Variants in ADGRB3 observed in about 807,000 individuals in gnomAD.
ADGRB3 encodes brain-specific angiogenesis inhibitor 3.
In ADGRB3, 37 loss-of-function variants were observed where a neutral mutation model predicts 193.4. That is an observed-to-expected ratio of 0.19 (90% confidence interval 0.15 to 0.25). ADGRB3 has a LOEUF of 0.25. Ranked by LOEUF, ADGRB3 falls within the 10% of genes least tolerant of loss-of-function variation. ADGRB3 has a pLI of 1.00. For synonymous variants in ADGRB3, 690 were observed against 644.2 expected (o/e 1.07, Z -1.08); for missense variants, 1,637 against 1,852.9 (o/e 0.88, Z 2.14).
chr6:68,800,013 TA>T (rs1021019647), intron 3 of ADGRB3, among the ~76,000 whole-genome samples: 22 of 152,148 alleles, frequency 1.4e-4, no homozygotes, highest in Admixed American at 8.5e-4. Context: ...TTTATGTTTT[TA>T]AAAGATCATG....
chr6:69,127,404 C>T (rs1385445428), intron 17 of ADGRB3, among the ~76,000 whole-genome samples: 1 of 152,208 alleles, frequency 6.6e-6, no homozygotes, highest in Non-Finnish European at 1.5e-5. Flanking sequence ...ACTGTGGAAT[C>T]ATTTCCTGCT....
At chr6:69,364,337 C>G (rs3757056) in intron 29 of ADGRB3, among the ~76,000 whole-genome samples, 126,036 of 151,530 alleles carry the variant, frequency 0.83, 52,538 homozygotes, top group East Asian at 0.96. Flanking sequence ...AAAAAGAGTG[C>G]AGAGGGTGAG....
At chr6:69,212,073 A>T (rs989420065) in intron 17 of ADGRB3, among the ~76,000 whole-genome samples, 4 of 152,196 alleles carry the variant, frequency 2.6e-5, no homozygotes, top group South Asian at 2.1e-4. Context: ...ATAAATTCTG[A>T]TGCAAGAACA....
At chr6:69,052,905 G>GC (rs1771440997) in intron 15 of ADGRB3, among the ~76,000 whole-genome samples, 1 of 152,138 alleles carries the variant, frequency 6.6e-6, no homozygotes, top group Non-Finnish European at 1.5e-5. Flanking sequence ...ATATGGATGG[G>GC]CCAGGCATGG....
intron 17 of ADGRB3, among the ~76,000 whole-genome samples, chr6:69,098,921 T>C (rs1363452708): frequency 6.6e-6 from 1 of 152,228 alleles, no homozygotes; most frequent in African/African-American, 2.4e-5. Flanking sequence ...ATTTTATCAG[T>C]GCCAACTAAT....
intron 3 of ADGRB3, among the ~76,000 whole-genome samples, chr6:68,707,641 A>G (rs1008959916): frequency 1.3e-5 from 2 of 152,218 alleles, no homozygotes; most frequent in African/African-American, 4.8e-5. Context: ...ATTGAGAAAT[A>G]ATCTTTGTTC....
chr6:69,021,978 A>C lies in ADGRB3; in HGVS notation c.2107+3479A>C, dbSNP rs188491756. 5.8e-3 allele frequency among the ~76,000 whole-genome samples: 881 copies of C among 151,722 alleles called. 9 individuals are homozygous for C. Among genetic ancestry groups the C allele is most frequent in the African/African-American group, 0.02 (815 of 41,544 alleles). ...AAAACGTTTAGCAGAGGTTTGGAAA[A>C]AAACAGTCTACAAACAAAGATTTCA... On this transcript the variant is annotated intron_variant, in intron 13 of 31. Transcript: ENST00000370598.
chr6:69,013,092 C>T (rs377027655), intron 11 of ADGRB3, among the ~76,000 whole-genome samples: 10 of 152,050 alleles, frequency 6.6e-5, no homozygotes, highest in East Asian at 3.9e-4. Context: ...AGTCACAGCT[C>T]GCCTTCAAAG....
At chr6:69,195,103 G>A (rs1765268909) in intron 17 of ADGRB3, among the ~76,000 whole-genome samples, 1 of 152,078 alleles carries the variant, frequency 6.6e-6, no homozygotes, top group Non-Finnish European at 1.5e-5. Context: ...TCAAGGACAA[G>A]CTACTTCACT....
At chr6:68,956,211 C>A (rs368679586) in intron 7 of ADGRB3, 23 bp downstream of exon 7, 1 of 1,588,258 alleles carries the variant, frequency 6.3e-7, no homozygotes, top group Non-Finnish European at 8.6e-7. Context: ...TCCTGCATAT[C>A]ATGGGCACTC....
intron 3 of ADGRB3, among the ~76,000 whole-genome samples, chr6:68,816,545 T>C (rs1767634420): frequency 6.6e-6 from 1 of 152,046 alleles, no homozygotes; most frequent in African/African-American, 2.4e-5. Context: ...TAAATTTATC[T>C]TTCTCTAAAT....
At chr6:69,190,655 C>T (rs556663198) in intron 17 of ADGRB3, among the ~76,000 whole-genome samples, 2 of 152,146 alleles carry the variant, frequency 1.3e-5, no homozygotes, top group Admixed American at 1.3e-4. Flanking sequence ...ATAAAATCTA[C>T]AGTAGTATAG....
chr6:68,753,243 C>T (rs923148871), intron 3 of ADGRB3, among the ~76,000 whole-genome samples: 1 of 152,266 alleles, frequency 6.6e-6, no homozygotes, highest in African/African-American at 2.4e-5. Context: ...CAAATTTGGG[C>T]ATCTATTCTC....
chr6:68,677,527 T>C (rs1300548048), intron 3 of ADGRB3, among the ~76,000 whole-genome samples: 1 of 145,682 alleles, frequency 6.9e-6, no homozygotes, highest in African/African-American at 2.6e-5. Context: ...TTTTCTTTTT[T>C]TTTTTTTTTT....
chr6:68,867,035 G>T (rs1283527689), intron 3 of ADGRB3, among the ~76,000 whole-genome samples: 1 of 152,172 alleles, frequency 6.6e-6, no homozygotes, highest in Non-Finnish European at 1.5e-5. Flanking sequence ...CTATTTTATG[G>T]GGAGAAATTC....
chr6:68,874,470 C>T (rs1268792963), intron 3 of ADGRB3, among the ~76,000 whole-genome samples: 1 of 152,072 alleles, frequency 6.6e-6, no homozygotes, highest in Non-Finnish European at 1.5e-5. Context: ...GTGGCTGACA[C>T]TCTGGCCTTT....
At chr6:69,019,432 G>A (rs754278741) in intron 13 of ADGRB3, among the ~76,000 whole-genome samples, 17 of 152,096 alleles carry the variant, frequency 1.1e-4, no homozygotes, top group Middle Eastern at 3.4e-3. Context: ...TCAGCTGGTA[G>A]AGAACATAAT....
At chr6:69,303,116 C>T (rs1767982725) in intron 20 of ADGRB3, among the ~76,000 whole-genome samples, 1 of 151,820 alleles carries the variant, frequency 6.6e-6, no homozygotes, top group African/African-American at 2.4e-5. Flanking sequence ...ACAATTTTGC[C>T]AGACTGAATG....
intron 3 of ADGRB3, among the ~76,000 whole-genome samples, chr6:68,780,207 T>A (rs1188294797): frequency 6.6e-6 from 1 of 152,048 alleles, no homozygotes; most frequent in Non-Finnish European, 1.5e-5. Context: ...GAAACTGCTA[T>A]TTGTCCCACT....
Sources: gnomAD v4.1 joint callset for allele counts (sites outside exome capture counted in the v4.1 genomes callset) on GRCh38, gnomAD v4.1.1 for gene constraint, MANE v1.5 for transcripts, NCBI Gene and HGNC (gene_info 2026-07-23, HGNC 2026-07-21) for gene names.